Variants in GRID2 observed in about 807,000 individuals in gnomAD.
The protein encoded by GRID2 is glutamate ionotropic receptor delta type subunit 2.
Under a neutral mutation model 114.8 loss-of-function variants are expected in GRID2, and 33 were observed. The ratio of observed to expected loss-of-function variants is 0.29; its 90% CI spans 0.22 to 0.38. The LOEUF (loss-of-function observed/expected upper bound fraction) is 0.38, where lower values mean the gene tolerates loss of function less well. GRID2 is among the 10% of genes least tolerant of loss of function. The pLI is 1.00. For missense variants in GRID2, 1,184 were observed against 1,257.7 expected (o/e 0.94, Z 0.89); for synonymous variants, 505 against 449.9 (o/e 1.12, Z -1.55).
intron 4 of GRID2, among the ~76,000 whole-genome samples, chr4:93,111,536 T>TA (rs1732761335): frequency 6.6e-6 from 1 of 152,150 alleles, no homozygotes; most frequent in African/African-American, 2.4e-5. Flanking sequence ...TGAAACTTAG[T>TA]AAAAATACAA....
chr4:92,786,228 A>G (rs1222974242), intron 2 of GRID2, among the ~76,000 whole-genome samples: 1 of 151,854 alleles, frequency 6.6e-6, no homozygotes, highest in Non-Finnish European at 1.5e-5. Flanking sequence ...TAATCCAGTT[A>G]TTAAGGAAAT....
At chr4:92,619,359 T>C (rs1255278596) in intron 2 of GRID2, among the ~76,000 whole-genome samples, 6 of 151,734 alleles carry the variant, frequency 4.0e-5, no homozygotes, top group Non-Finnish European at 8.8e-5. Context: ...TTTGCTAATA[T>C]ATGCAGCTTC....
chr4:92,749,932 G>A lies in GRID2; in HGVS notation c.244+159646G>A, dbSNP rs148962958. On this transcript the variant is annotated intron_variant, in intron 2 of 15. Coordinates refer to ENST00000282020, the MANE Select transcript of GRID2 (RefSeq NM_001510.4). The stretch of plus-strand genomic sequence containing the variant: ...GCTGGAGTGCAATGGTGAGATCTCG[G>A]CTGACTGCAACCTCTGCCTCCCTAG... 7.0e-4 allele frequency among the ~76,000 whole-genome samples: 106 copies of A among 152,054 alleles called. 3 individuals carry two copies. The East Asian group carries it at 0.016, about 23-fold the overall frequency.
chr4:92,934,165 G>C (rs916868868), intron 2 of GRID2, among the ~76,000 whole-genome samples: 1 of 151,664 alleles, frequency 6.6e-6, no homozygotes, highest in Admixed American at 6.6e-5. Flanking sequence ...CTACCCATGA[G>C]CGTGGAATGT....
downstream of GRID2, among the ~76,000 whole-genome samples, chr4:93,777,560 G>T (rs556017674): frequency 6.6e-6 from 1 of 152,288 alleles, no homozygotes; most frequent in African/African-American, 2.4e-5. Flanking sequence ...TGAGGAAGGA[G>T]GACCTGGTTT....
At chr4:93,487,023 CA>C (rs1726478551) in intron 11 of GRID2, among the ~76,000 whole-genome samples, 2 of 151,718 alleles carry the variant, frequency 1.3e-5, no homozygotes, top group Admixed American at 6.6e-5. Context: ...CAAAACCATT[CA>C]AATTTTCTAT....
intron 14 of GRID2, among the ~76,000 whole-genome samples, chr4:93,672,251 GT>G: frequency 6.6e-6 from 1 of 152,240 alleles, no homozygotes; most frequent in Middle Eastern, 3.4e-3. Context: ...TGGATCACTT[GT>G]CCCCATTACA....
chr4:92,489,497 T>C (rs1723048547), intron 1 of GRID2, among the ~76,000 whole-genome samples: 1 of 151,818 alleles, frequency 6.6e-6, no homozygotes, highest in Admixed American at 6.6e-5. Context: ...GGTACAAGTT[T>C]AATTGTCTTT....
At chr4:92,766,890 G>A (rs1738295388) in intron 2 of GRID2, among the ~76,000 whole-genome samples, 1 of 152,156 alleles carries the variant, frequency 6.6e-6, no homozygotes, top group Non-Finnish European at 1.5e-5. Context: ...ATAAGGACTG[G>A]ATTTGTATCT....
intron 2 of GRID2, among the ~76,000 whole-genome samples, chr4:92,900,106 C>A (rs1747462009): frequency 6.6e-6 from 1 of 152,028 alleles, no homozygotes. Context: ...GGTAGGAATA[C>A]AATATGAAAG....
At chr4:93,675,060 A>G (rs967575968) in intron 14 of GRID2, among the ~76,000 whole-genome samples, 1 of 152,194 alleles carries the variant, frequency 6.6e-6, no homozygotes, top group African/African-American at 2.4e-5. Context: ...AAATGGTCCT[A>G]TATATGTAAA....
chr4:92,853,236 C>G (rs1469757799), intron 2 of GRID2, among the ~76,000 whole-genome samples: 1 of 152,036 alleles, frequency 6.6e-6, no homozygotes, highest in African/African-American at 2.4e-5. Context: ...ATATATGACT[C>G]AGGAAGTGCC....
intron 2 of GRID2, among the ~76,000 whole-genome samples, chr4:92,688,990 A>G (rs1734053836): frequency 6.6e-6 from 1 of 152,198 alleles, no homozygotes; most frequent in African/African-American, 2.4e-5. Flanking sequence ...AAGTACACAA[A>G]CAAGGAGATT....
intron 2 of GRID2, among the ~76,000 whole-genome samples, chr4:92,900,579 C>T (rs994168794): frequency 3.9e-5 from 6 of 152,098 alleles, no homozygotes; most frequent in African/African-American, 1.4e-4. Context: ...GCCTGTAATC[C>T]CAGCACTTTG....
chr4:93,448,848 TCCCTTCCCTTC>T (rs1560629710), intron 10 of GRID2, among the ~76,000 whole-genome samples: 1 of 8,574 alleles, frequency 1.2e-4, no homozygotes, highest in Non-Finnish European at 1.8e-4. Context: ...TCCCTTCCCT[TCCCTTCCCTTC>T]CCCTTCCCTT....
intron 4 of GRID2, among the ~76,000 whole-genome samples, chr4:93,141,284 G>T (rs1294001119): frequency 2.0e-5 from 3 of 152,018 alleles, no homozygotes; most frequent in Non-Finnish European, 4.4e-5. Context: ...TTTCTCCCTT[G>T]TTTAACCTTG....
chr4:92,587,795 T>A (rs1579635064), intron 1 of GRID2, among the ~76,000 whole-genome samples: 1 of 152,214 alleles, frequency 6.6e-6, no homozygotes, highest in African/African-American at 2.4e-5. Flanking sequence ...AAGTTTAATG[T>A]TTAAGGCAAT....
At chr4:92,489,498 A>C (rs1209238392) in intron 1 of GRID2, among the ~76,000 whole-genome samples, 2 of 151,848 alleles carry the variant, frequency 1.3e-5, no homozygotes. Context: ...GTACAAGTTT[A>C]ATTGTCTTTG....
chr4:92,370,521 G>A (rs553567184), intron 1 of GRID2, among the ~76,000 whole-genome samples: 85 of 152,126 alleles, frequency 5.6e-4, no homozygotes, highest in Non-Finnish European at 1.1e-3. Flanking sequence ...GTGGTGGTGG[G>A]TGCCTGTAGA....
Sources: gnomAD v4.1 joint callset for allele counts (sites outside exome capture counted in the v4.1 genomes callset) on GRCh38, gnomAD v4.1.1 for gene constraint, MANE v1.5 for transcripts, NCBI Gene and HGNC (gene_info 2026-07-23, HGNC 2026-07-21) for gene names.